ADGRD1: variants seen among roughly 807,000 people sequenced by gnomAD.
ADGRD1 encodes G-protein coupled receptor 133.
In ADGRD1, 77 loss-of-function variants were observed where a neutral mutation model predicts 113.4. That is an observed-to-expected ratio of 0.68 (90% CI 0.57 to 0.82). ADGRD1 has a LOEUF of 0.82. Among genes scored for constraint, ADGRD1 ranks in the 40% least tolerant of loss-of-function variants. The pLI is 0.00. For missense variants in ADGRD1, 1,036 were observed against 1,139.1 expected, an observed-to-expected ratio of 0.91 and a Z score of 1.30; for synonymous variants, 474 against 475.0, an observed-to-expected ratio of 1.00 and a Z score of 0.03.
chr12:131,119,567 G>A lies in ADGRD1; in HGVS notation c.2108+1116G>A, dbSNP rs576200834. ...CCTTTTCCCACACTCATGCCCGAAA[G>A]CCAGGCAGCACCAGCCAGGTTCAGG... is the stretch of plus-strand genomic sequence containing the variant. On this transcript the variant is annotated intron_variant, in intron 19 of 24. Transcript: ENST00000261654. Among the ~76,000 whole-genome samples, 6 of 152,342 alleles carry A rather than the reference G, an allele frequency of 3.9e-5. 1 individual carries two copies. The South Asian group carries it at 1.2e-3, about 32-fold the overall frequency.
chr12:130,987,237 G>T lies in ADGRD1; in HGVS notation c.633G>T (p.Gly211=), dbSNP rs1308572318. ...AGTCCAACGTCAACCTCGTGATAGG[G>T]TCTGAGCAGGACCAGGCCAAGTGTT... The part of the protein sequence containing the change: ...YGESNVNLVI[G]SEQDQAKCYE... The change falls in exon 6 of 25, where the codon GGG becomes GGT. Residue 211 remains glycine (G), a synonymous_variant. Transcript: ENST00000261654. 2.5e-6 allele frequency: 4 copies of T among 1,614,248 alleles called. No individual in the cohort carries two copies. In the Admixed American group the frequency reaches 6.7e-5, roughly 27 times the overall value.
At chr12:131,036,281 C>T (rs1411036031) in intron 13 of ADGRD1, among the ~76,000 whole-genome samples, 2 of 151,214 alleles carry the variant, frequency 1.3e-5, no homozygotes, top group Middle Eastern at 3.4e-3. Flanking sequence ...CACTGGGTCT[C>T]ACTCACTGCA....
chr12:130,960,785 CA>C (rs995350051), intron 2 of ADGRD1, among the ~76,000 whole-genome samples: 1 of 151,772 alleles, frequency 6.6e-6, no homozygotes, highest in Non-Finnish European at 1.5e-5. Flanking sequence ...AATATACTAA[CA>C]AAAAAATCCC....
intron 13 of ADGRD1, among the ~76,000 whole-genome samples, chr12:131,014,552 G>A (rs966613016): frequency 1.3e-5 from 2 of 152,184 alleles, no homozygotes; most frequent in African/African-American, 4.8e-5. Context: ...CTGGCCACGC[G>A]GTGTCGATGT....
At chr12:131,090,059 G>A (rs1418753543) in intron 15 of ADGRD1, among the ~76,000 whole-genome samples, 2 of 152,186 alleles carry the variant, frequency 1.3e-5, no homozygotes, top group Non-Finnish European at 2.9e-5. Context: ...CCAGTCCAGC[G>A]AGTAAAAAAC....
chr12:130,981,203 A>G (rs1420566664), intron 4 of ADGRD1: 1 of 152,194 alleles, frequency 6.6e-6, no homozygotes, highest in Non-Finnish European at 1.5e-5. Context: ...CTGTTTGAAA[A>G]TTTCTTCAAA....
chr12:131,097,135 CCT>C (rs1405888605), intron 15 of ADGRD1, among the ~76,000 whole-genome samples: 8 of 152,174 alleles, frequency 5.3e-5, no homozygotes, highest in Admixed American at 5.2e-4. Flanking sequence ...TTAGCAATTC[CCT>C]GAGTCAAATG....
intron 13 of ADGRD1, among the ~76,000 whole-genome samples, chr12:131,018,069 GCT>G (rs1248206562): frequency 6.6e-6 from 1 of 152,202 alleles, no homozygotes; most frequent in Non-Finnish European, 1.5e-5. Context: ...GCAGGTAGGA[GCT>G]CTGGAATTTG....
chr12:131,000,565 A>C (rs981188698), intron 9 of ADGRD1, 123 bp downstream of exon 9: 9 of 669,200 alleles, frequency 1.3e-5, no homozygotes, highest in Non-Finnish European at 2.4e-5. Flanking sequence ...ATGTGGCAAA[A>C]CCCCATCTCT....
intron 6 of ADGRD1, chr12:130,989,876 T>C (rs71468464): frequency 0.09 from 13,677 of 152,398 alleles, 798 homozygotes; most frequent in Middle Eastern, 0.14. Context: ...ACAGCAGCTC[T>C]TTCTGTAGAG....
intron 18 of ADGRD1, among the ~76,000 whole-genome samples, chr12:131,115,112 G>A (rs1005949646): frequency 9.2e-5 from 14 of 152,098 alleles, no homozygotes; most frequent in African/African-American, 3.1e-4. Context: ...CAGGGTAGGC[G>A]GGCAAGGCTG....
intron 8 of ADGRD1, among the ~76,000 whole-genome samples, chr12:130,999,702 A>C (rs1198729682): frequency 2.0e-5 from 3 of 152,096 alleles, no homozygotes; most frequent in South Asian, 4.1e-4. Flanking sequence ...CGGGGTCTGG[A>C]GTGGGCTGGG....
At chr12:131,008,871 G>A (rs144155187) in intron 12 of ADGRD1, among the ~76,000 whole-genome samples, 17 of 152,328 alleles carry the variant, frequency 1.1e-4, no homozygotes, top group Middle Eastern at 3.4e-3. Context: ...ACGGGTGCTC[G>A]AGAAAGATGA....
intron 17 of ADGRD1, 65 bp downstream of exon 17, chr12:131,105,930 G>A: frequency 8.6e-7 from 1 of 1,167,920 alleles, no homozygotes; most frequent in Non-Finnish European, 1.2e-6. Context: ...GTCACCGGGT[G>A]GCACCTTCTG....
intron 13 of ADGRD1, among the ~76,000 whole-genome samples, chr12:131,045,514 C>A (rs934627774): frequency 2.8e-4 from 40 of 143,550 alleles, no homozygotes; most frequent in African/African-American, 9.1e-4. Context: ...GACCCCCCCC[C>A]ACCCCCGCCT....
chr12:131,101,144 G>A (rs1232077288), intron 15 of ADGRD1, among the ~76,000 whole-genome samples: 1 of 152,040 alleles, frequency 6.6e-6, no homozygotes, highest in African/African-American at 2.4e-5. Context: ...AGAGTGATAT[G>A]CATCCCTCTG....
At chr12:130,979,283 T>G (rs1364922391) in intron 4 of ADGRD1, among the ~76,000 whole-genome samples, 1 of 152,208 alleles carries the variant, frequency 6.6e-6, no homozygotes, top group Non-Finnish European at 1.5e-5. Flanking sequence ...CCTCTTCCAA[T>G]TTTTTTGAGG....
At chr12:131,082,640 T>C (rs575089510) in intron 14 of ADGRD1, among the ~76,000 whole-genome samples, 2 of 152,148 alleles carry the variant, frequency 1.3e-5, no homozygotes, top group East Asian at 3.9e-4. Context: ...AAAGGCGCAA[T>C]ATATAACACA....
Position 131,140,246 on chromosome 12 carries a change from A to G in ADGRD1, c.*983A>G, listed in dbSNP as rs1327486931. The G allele has an allele frequency of 6.6e-6, 1 of 152,040 alleles. No individual in the cohort carries two copies. Among genetic ancestry groups the G allele is most frequent in the African/African-American group, 2.4e-5 (1 of 41,396 alleles). 9.4% of individuals were successfully genotyped at this position (152,040 alleles called of 1,614,324 possible). ...CTCACAGGCACTCTACGAAGTTTCTAATGGGCAGACCACGCGGCAGGTAGC... is the reference window on the plus strand; with the variant it reads ...CTCACAGGCACTCTACGAAGTTTCTGATGGGCAGACCACGCGGCAGGTAGC... On this transcript the variant is annotated 3_prime_UTR_variant, in exon 25 of 25. Coordinates refer to ENST00000261654, the MANE Select transcript of ADGRD1 (RefSeq NM_198827.5).
Sources: allele counts gnomAD v4.1 joint callset (sites outside exome capture counted in the v4.1 genomes callset), GRCh38; gene constraint gnomAD v4.1.1; transcripts MANE v1.5; gene names NCBI Gene and HGNC (gene_info 2026-07-23, HGNC 2026-07-21).